Variants in SLC24A3 observed in about 807,000 individuals in gnomAD.
SLC24A3 encodes the protein sodium/potassium/calcium exchanger 3.
A neutral mutation model predicts 75.8 loss-of-function variants in SLC24A3; 28 were observed. The observed-to-expected ratio is 0.37, with a 90% CI of 0.27 to 0.51. The LOEUF is 0.51. Ranked by LOEUF, SLC24A3 falls within the 20% of genes least tolerant of loss-of-function variation. The pLI is 0.94. For synonymous variants in SLC24A3, 372 were observed against 334.1 expected, an observed-to-expected ratio of 1.11 and a Z score of -1.24; for missense variants, 663 against 847.8, an observed-to-expected ratio of 0.78 and a Z score of 2.71.
chr20:19,356,019 T>C (rs1245123542), intron 2 of SLC24A3, among the ~76,000 whole-genome samples: 1 of 152,186 alleles, frequency 6.6e-6, no homozygotes, highest in Non-Finnish European at 1.5e-5. Flanking sequence ...AGGGGGTCTA[T>C]AGACCCCAAA....
At chr20:19,338,580 T>C (rs1985192543) in intron 2 of SLC24A3, among the ~76,000 whole-genome samples, 1 of 152,220 alleles carries the variant, frequency 6.6e-6, no homozygotes, top group Non-Finnish European at 1.5e-5. Context: ...CAATGCCTGT[T>C]CTATTTCAGC....
chr20:19,531,354 G>A (rs2030295750), intron 3 of SLC24A3, among the ~76,000 whole-genome samples: 1 of 152,252 alleles, frequency 6.6e-6, no homozygotes, highest in African/African-American at 2.4e-5. Context: ...ACAAGGAAGA[G>A]TGGAATAAAA....
chr20:19,665,255 A>G (rs1204562486), intron 7 of SLC24A3, among the ~76,000 whole-genome samples: 1 of 152,202 alleles, frequency 6.6e-6, no homozygotes, highest in Non-Finnish European at 1.5e-5. Context: ...TGGGATTTGC[A>G]AACACCATTT....
intron 6 of SLC24A3, among the ~76,000 whole-genome samples, chr20:19,626,051 G>C (rs1434011329): frequency 6.6e-6 from 1 of 151,956 alleles, no homozygotes; most frequent in Non-Finnish European, 1.5e-5. Flanking sequence ...TTTATAGCCT[G>C]TTTGTGAATT....
At chr20:19,300,656 A>C (rs1393941334) in intron 2 of SLC24A3, among the ~76,000 whole-genome samples, 1 of 152,154 alleles carries the variant, frequency 6.6e-6, no homozygotes, top group Non-Finnish European at 1.5e-5. Context: ...TCCACTGTCC[A>C]TCACTCACTT....
chr20:19,481,652 T>G (rs1448328362), intron 2 of SLC24A3, among the ~76,000 whole-genome samples: 2 of 151,676 alleles, frequency 1.3e-5, no homozygotes, highest in Non-Finnish European at 2.9e-5. Flanking sequence ...ATGAGCAGAG[T>G]TTGATGTTGG....
intron 6 of SLC24A3, among the ~76,000 whole-genome samples, chr20:19,602,275 C>A (rs1304789167): frequency 1.3e-5 from 2 of 152,122 alleles, no homozygotes; most frequent in Non-Finnish European, 2.9e-5. Context: ...TTTATTTAAT[C>A]TTTTCTAGAG....
At chr20:19,692,467 C>T (rs1276001947) in intron 12 of SLC24A3, among the ~76,000 whole-genome samples, 2 of 152,184 alleles carry the variant, frequency 1.3e-5, no homozygotes, top group Non-Finnish European at 2.9e-5. Context: ...GATCACGCAA[C>T]ATGAATGAAT....
intron 2 of SLC24A3, among the ~76,000 whole-genome samples, chr20:19,393,926 G>C (rs936668272): frequency 6.6e-6 from 1 of 152,148 alleles, no homozygotes; most frequent in African/African-American, 2.4e-5. Flanking sequence ...AAAGAATGAA[G>C]TTGGAAGTCT....
chr20:19,466,498 G>A (rs978257128), intron 2 of SLC24A3, among the ~76,000 whole-genome samples: 5 of 152,200 alleles, frequency 3.3e-5, no homozygotes, highest in African/African-American at 1.2e-4. Flanking sequence ...GCTAAGGGAA[G>A]CCTCTTATGC....
chr20:19,316,263 T>TGGG (rs2122268933), intron 2 of SLC24A3, among the ~76,000 whole-genome samples: 1 of 152,200 alleles, frequency 6.6e-6, no homozygotes. Context: ...TCTAGTTAAG[T>TGGG]GGGGGTTTGA....
At chr20:19,643,112 T>C (rs2032095064) in intron 6 of SLC24A3, among the ~76,000 whole-genome samples, 1 of 152,130 alleles carries the variant, frequency 6.6e-6, no homozygotes, top group Non-Finnish European at 1.5e-5. Context: ...TATCCTTGAG[T>C]ATAAAAATAT....
intron 6 of SLC24A3, among the ~76,000 whole-genome samples, chr20:19,614,876 G>A (rs1305659518): frequency 6.6e-6 from 1 of 152,174 alleles, no homozygotes; most frequent in African/African-American, 2.4e-5. Flanking sequence ...CTGGGTTAGC[G>A]TTTAACAACC....
At chr20:19,289,114 T>TGGG (rs1983880464) in intron 2 of SLC24A3, among the ~76,000 whole-genome samples, 1 of 152,134 alleles carries the variant, frequency 6.6e-6, no homozygotes, top group South Asian at 2.1e-4. Context: ...AGGTGGTGCC[T>TGGG]GTGCCATATT....
intron 2 of SLC24A3, among the ~76,000 whole-genome samples, chr20:19,396,558 A>G (rs1986457100): frequency 6.6e-6 from 1 of 152,224 alleles, no homozygotes; most frequent in Non-Finnish European, 1.5e-5. Flanking sequence ...TGGCTATCCT[A>G]TTGAATACAG....
chr20:19,377,491 G>A (rs1413881963), intron 2 of SLC24A3, among the ~76,000 whole-genome samples: 2 of 152,208 alleles, frequency 1.3e-5, no homozygotes, highest in Non-Finnish European at 2.9e-5. Context: ...TCTAGAACAG[G>A]TTAAACTAAG....
At chr20:19,540,775 C>T (rs563621747) in intron 3 of SLC24A3, among the ~76,000 whole-genome samples, 7 of 152,136 alleles carry the variant, frequency 4.6e-5, no homozygotes, top group Non-Finnish European at 8.8e-5. Context: ...AAAGGGAAGT[C>T]GAGAGGAAAA....
intron 1 of SLC24A3, among the ~76,000 whole-genome samples, chr20:19,244,768 T>C (rs1203180351): frequency 6.6e-6 from 1 of 152,174 alleles, no homozygotes; most frequent in Non-Finnish European, 1.5e-5. Context: ...CTGAAAATCC[T>C]CCTGATCCAA....
chr20:19,227,835 G>T (rs1981911476), intron 1 of SLC24A3, among the ~76,000 whole-genome samples: 1 of 151,978 alleles, frequency 6.6e-6, no homozygotes, highest in Non-Finnish European at 1.5e-5. Flanking sequence ...TTTATTTATT[G>T]TTATCACTCA....
Sources: gnomAD v4.1 joint callset for allele counts (sites outside exome capture counted in the v4.1 genomes callset) on GRCh38, gnomAD v4.1.1 for gene constraint, MANE v1.5 for transcripts, NCBI Gene and HGNC (gene_info 2026-07-23, HGNC 2026-07-21) for gene names.